SEC11A: variants seen among roughly 807,000 people sequenced by gnomAD.
SEC11A encodes SEC11 homolog A, signal peptidase complex subunit, also known as signal peptidase complex catalytic subunit SEC11A.
In SEC11A, 14 loss-of-function variants were observed where a neutral mutation model predicts 25.6. The observed-to-expected ratio is 0.55, with a 90% CI of 0.36 to 0.85. The LOEUF is 0.85. Ranked by LOEUF, SEC11A falls within the 40% of genes least tolerant of loss-of-function variation. The pLI is 0.01. For missense variants in SEC11A, 153 were observed against 222.9 expected (o/e 0.69, Z 2.00); for synonymous variants, 83 against 76.4 (o/e 1.09, Z -0.45).
chr15:84,688,797 G>A (rs1051207763), intron 2 of SEC11A, among the ~76,000 whole-genome samples: 22 of 152,194 alleles, frequency 1.4e-4, no homozygotes, highest in African/African-American at 4.6e-4. Flanking sequence ...TCGGGAGGCC[G>A]AGGTGGGCAG....
At chr15:84,698,552 C>A (rs1897831816) in intron 1 of SEC11A, among the ~76,000 whole-genome samples, 2 of 151,940 alleles carry the variant, frequency 1.3e-5, no homozygotes, top group African/African-American at 4.8e-5. Flanking sequence ...TATTGTGACC[C>A]AATAAAATCA....
At chr15:84,702,236 G>A (rs962782985) in intron 1 of SEC11A, among the ~76,000 whole-genome samples, 2 of 151,338 alleles carry the variant, frequency 1.3e-5, no homozygotes, top group African/African-American at 2.4e-5. Context: ...CGAGGTAGGC[G>A]GATCACCTGA....
intron 2 of SEC11A, among the ~76,000 whole-genome samples, chr15:84,688,865 A>C (rs1331535968): frequency 1.3e-5 from 2 of 152,012 alleles, no homozygotes; most frequent in Non-Finnish European, 2.9e-5. Context: ...ACCCAGTCTC[A>C]ACTAAAAATA....
intron 5 of SEC11A, 194 bp downstream of exon 5, chr15:84,670,531 G>T (rs979725772): frequency 5.4e-6 from 2 of 371,132 alleles, no homozygotes; most frequent in Non-Finnish European, 9.9e-6. Flanking sequence ...GAGCCACTGC[G>T]CCCAGGCTAA....
chr15:84,684,344 G>A (rs1832953400), intron 3 of SEC11A, among the ~76,000 whole-genome samples: 1 of 152,128 alleles, frequency 6.6e-6, no homozygotes, highest in Admixed American at 6.6e-5. Flanking sequence ...TAGTGAATAA[G>A]TCTCATGAGA....
intron 1 of SEC11A, among the ~76,000 whole-genome samples, chr15:84,701,016 TA>T (rs1355029459): frequency 7.4e-6 from 1 of 134,264 alleles, no homozygotes; most frequent in Non-Finnish European, 1.6e-5. Context: ...ATCCAAGACC[TA>T]AATCAAACTT....
chr15:84,674,859 C>T (rs1392704655), intron 4 of SEC11A, among the ~76,000 whole-genome samples: 3 of 152,194 alleles, frequency 2.0e-5, no homozygotes, highest in African/African-American at 4.8e-5. Context: ...CACACACAAC[C>T]TGAAACTTTT....
rs28672678 is a variant in SEC11A at position 84,676,966 on chromosome 15, C to T, written c.431+3747G>A. Reference sequence around the variant, plus strand: ...ATTAGCCAGGTGTGATAGCATGCACCTGTGATCCTAGCTACTGAGAAGGCT... The same window carrying T: ...ATTAGCCAGGTGTGATAGCATGCACTTGTGATCCTAGCTACTGAGAAGGCT... On this transcript the variant is annotated intron_variant, in intron 4 of 5. Transcript: ENST00000268220. Among the ~76,000 whole-genome samples, 777 of 152,018 alleles carry T rather than the reference C, an allele frequency of 5.1e-3. 7 individuals are homozygous for T. The highest frequency in any genetic ancestry group is 0.014 in the African/African-American group (573 of 41,448).
At chr15:84,711,947 T>C (rs1898283830) in intron 1 of SEC11A, among the ~76,000 whole-genome samples, 1 of 152,044 alleles carries the variant, frequency 6.6e-6, no homozygotes, top group Non-Finnish European at 1.5e-5. Flanking sequence ...AATCAATTAA[T>C]TTAAACAACT....
intron 1 of SEC11A, among the ~76,000 whole-genome samples, chr15:84,709,453 T>C (rs1356094474): frequency 6.6e-6 from 1 of 152,172 alleles, no homozygotes; most frequent in Admixed American, 6.6e-5. Context: ...GGTATTGTTT[T>C]GTTTTTTGAG....
intron 4 of SEC11A, among the ~76,000 whole-genome samples, chr15:84,677,475 CTTTT>C (rs1171786400): frequency 1.5e-5 from 2 of 131,416 alleles, no homozygotes; most frequent in Non-Finnish European, 1.7e-5. Context: ...TTTTCTTTTT[CTTTT>C]TTTTTTTTTT....
chr15:84,715,982 G>A (rs747182036), intron 1 of SEC11A, 43 bp downstream of exon 1: 2 of 1,599,606 alleles, frequency 1.3e-6, no homozygotes, highest in Non-Finnish European at 8.6e-7. Context: ...CAGCCTCGAA[G>A]GGACAAGAAG....
At position 84,687,729 on chromosome 15, in the gene SEC11A, T is replaced by C. The variant is rs770333311; in HGVS notation, c.207A>G (p.Leu69=). ...GTATGGGATCTTCAACTCGATTTGT[T>C]AGAAAGAGAAGATCTCCTCTATGAA... The part of the protein sequence containing the change: ...PAFHRGDLLF[L]TNRVEDPIRV... Residue 69 remains leucine (L), a synonymous_variant, in exon 3 of 6, where the codon CTA becomes CTG. Transcript: ENST00000268220. 4 of 1,604,156 alleles carry C rather than the reference T, an allele frequency of 2.5e-6. No homozygotes were observed. In the South Asian group the frequency reaches 4.5e-5, roughly 18 times the overall value.
intron 3 of SEC11A, among the ~76,000 whole-genome samples, chr15:84,683,739 G>T (rs1897339409): frequency 6.6e-6 from 1 of 152,038 alleles, no homozygotes; most frequent in South Asian, 2.1e-4. Context: ...TGGTCAGGCT[G>T]GTCTGGAACT....
chr15:84,701,279 CCTGGGCAACATAG>C lies in SEC11A; in HGVS notation c.52-9648_52-9636del, dbSNP rs1314509862. Among the ~76,000 whole-genome samples the C allele has an allele frequency of 2.0e-5, 3 of 151,766 alleles. No individual in the cohort carries two copies. The East Asian group carries it at 5.8e-4, about 29-fold the overall frequency. On this transcript the variant is annotated intron_variant, in intron 1 of 5. Coordinates refer to ENST00000268220, the MANE Select transcript of SEC11A (RefSeq NM_014300.4). ...CTTGAGCCTATGAGTTTGAGACCAG[CCTGGGCAACATAG>C]CAAGACTCCATCTCAATAACAATAA...
At chr15:84,684,368 T>C (rs1199769040) in intron 3 of SEC11A, among the ~76,000 whole-genome samples, 1 of 152,168 alleles carries the variant, frequency 6.6e-6, no homozygotes, top group Admixed American at 6.5e-5. Context: ...AATGGTTTTA[T>C]AAATGGGAGA....
chr15:84,678,056 G>C (rs1897187151), intron 4 of SEC11A, among the ~76,000 whole-genome samples: 1 of 152,058 alleles, frequency 6.6e-6, no homozygotes, highest in Admixed American at 6.6e-5. Flanking sequence ...AATTAGCCAG[G>C]AATTGTGGCA....
Position 84,687,771 on chromosome 15 carries a change from G to A in SEC11A, c.165C>T (p.Gly55=). ...SESPIVVVLS[G]SMEPAFHRGD... ...CTCTATGAAATGCAGGTTCCATGCT[G>A]CCACTGGAAGGGAAAGAAGAATATA... Residue 55 remains glycine, a synonymous_variant, in exon 3 of 6, where the codon GGC becomes GGT. Transcript: ENST00000268220. 6.3e-7 allele frequency: 1 copy of A among 1,590,558 alleles called. No homozygotes were observed. The highest frequency in any genetic ancestry group is 1.9e-5 in the Admixed American group (1 of 51,946).
intron 4 of SEC11A, among the ~76,000 whole-genome samples, chr15:84,678,812 T>A (rs1897207891): frequency 1.3e-5 from 2 of 151,874 alleles, no homozygotes; most frequent in South Asian, 4.2e-4. Flanking sequence ...GGGCAACATA[T>A]CGAGACCCCA....
Sources: gnomAD v4.1 joint callset for allele counts (sites outside exome capture counted in the v4.1 genomes callset) on GRCh38, gnomAD v4.1.1 for gene constraint, MANE v1.5 for transcripts, NCBI Gene and HGNC (gene_info 2026-07-23, HGNC 2026-07-21) for gene names.